Variants in PARN observed in about 807,000 individuals in gnomAD.
PARN encodes the protein poly(A)-specific ribonuclease, also known as poly(A)-specific ribonuclease PARN.
PARN carries 71 observed loss-of-function variants against 102.8 expected under a neutral mutation model. The observed-to-expected ratio is 0.69, with a 90% CI of 0.57 to 0.84. The LOEUF (loss-of-function observed/expected upper bound fraction) is 0.84. PARN is among the 40% of genes least tolerant of loss of function. PARN has a pLI of 0.00. For synonymous variants in PARN, 261 were observed against 252.9 expected, an observed-to-expected ratio of 1.03 and a Z score of -0.30; for missense variants, 782 against 760.9, an observed-to-expected ratio of 1.03 and a Z score of -0.33.
At chr16:14,587,709 T>C (rs544223580) in intron 13 of PARN, among the ~76,000 whole-genome samples, 1 of 152,300 alleles carries the variant, frequency 6.6e-6, no homozygotes, top group South Asian at 2.1e-4. Flanking sequence ...AAACAAAACA[T>C]TTTCTTTCTC....
chr16:14,542,234 AC>A (rs1356411960), intron 21 of PARN, among the ~76,000 whole-genome samples: 3 of 151,360 alleles, frequency 2.0e-5, no homozygotes, highest in African/African-American at 7.3e-5. Flanking sequence ...TCAAACTCCT[AC>A]GCTCCAGTAA....
At chr16:14,503,422 G>T (rs554449257) in intron 21 of PARN, among the ~76,000 whole-genome samples, 1 of 151,224 alleles carries the variant, frequency 6.6e-6, no homozygotes, top group Non-Finnish European at 1.5e-5. Context: ...AGAAACGCAC[G>T]TATCATGAAT....
chr16:14,450,860 T>C (rs896873183), intron 22 of PARN, among the ~76,000 whole-genome samples: 1 of 151,868 alleles, frequency 6.6e-6, no homozygotes, highest in Admixed American at 6.6e-5. Flanking sequence ...TCTGGGACAA[T>C]GTGTGCCCTC....
At chr16:14,486,792 C>T (rs1287870608) in intron 21 of PARN, among the ~76,000 whole-genome samples, 1 of 152,238 alleles carries the variant, frequency 6.6e-6, no homozygotes, top group Admixed American at 6.5e-5. Context: ...CAACTGTGTC[C>T]TCCAGCTATT....
Position 14,540,010 on chromosome 16 carries a change from T to C in PARN, c.1480+12011A>G, listed in dbSNP as rs188098866. Among the ~76,000 whole-genome samples the C allele has an allele frequency of 2.6e-4, 39 of 152,360 alleles. No individual in the cohort carries two copies. The East Asian group carries it at 6.5e-3, about 26-fold the overall frequency. On this transcript the variant is annotated intron_variant, in intron 21 of 23. Transcript: ENST00000437198. ...TACAGGAGGATATGTACAGGTTATA[T>C]GCAAAAATTATAGCATTTTATATCA...
At chr16:14,543,964 G>A (rs563299495) in intron 21 of PARN, among the ~76,000 whole-genome samples, 31 of 152,358 alleles carry the variant, frequency 2.0e-4, no homozygotes, top group African/African-American at 7.5e-4. Flanking sequence ...GGAGGCCAAC[G>A]CGGGAAGATC....
chr16:14,555,603 G>A (rs953399929), intron 19 of PARN, 51 bp downstream of exon 19: 2 of 841,820 alleles, frequency 2.4e-6, no homozygotes, highest in African/African-American at 1.8e-5. Context: ...ATCCCTTCCA[G>A]ACCACACACT....
intron 18 of PARN, among the ~76,000 whole-genome samples, chr16:14,565,952 C>A (rs1323322446): frequency 3.3e-5 from 5 of 152,208 alleles, no homozygotes; most frequent in Admixed American, 2.6e-4. Context: ...GCCCAAATTT[C>A]TTAGAGTATA....
intron 21 of PARN, among the ~76,000 whole-genome samples, chr16:14,521,417 T>G (rs1965724902): frequency 6.6e-6 from 1 of 152,136 alleles, no homozygotes; most frequent in Admixed American, 6.5e-5. Context: ...AAGTCACATG[T>G]CAGGAAATAA....
In PARN at chr16:14,446,246, T is replaced by C. The variant is rs114145854; in HGVS notation, c.1864+642A>G. Among the ~76,000 whole-genome samples, 675 of 152,330 alleles carry C rather than the reference T, an allele frequency of 4.4e-3. 9 individuals carry two copies. The highest frequency in any genetic ancestry group is 0.016 in the African/African-American group (648 of 41,586). On this transcript the variant is annotated intron_variant, in intron 23 of 23. Transcript: ENST00000437198. ...ACATGGGATTCAGCTCAGGCAGACC[T>C]GGGTCTGCCTTTCGGCTGTGCTTCT...
At chr16:14,505,878 AATC>A (rs1362823952) in intron 21 of PARN, among the ~76,000 whole-genome samples, 1 of 152,234 alleles carries the variant, frequency 6.6e-6, no homozygotes, top group Non-Finnish European at 1.5e-5. Flanking sequence ...TTTTTAAAAA[AATC>A]ATCAATGGAC....
In PARN at chr16:14,490,014, G is replaced by A. The variant is rs769821461; in HGVS notation, c.1481-7187C>T. ...TGAAACCCTGTCTCTACTTAAATAC[G>A]AAGATTAGCCAGGCATGCCTGTAGT... On this transcript the variant is annotated intron_variant, in intron 21 of 23. Coordinates refer to ENST00000437198, the MANE Select transcript of PARN (RefSeq NM_002582.4). Among the ~76,000 whole-genome samples, 3 of 152,152 alleles carry A rather than the reference G, an allele frequency of 2.0e-5. No homozygotes were observed. In the East Asian group the frequency reaches 5.8e-4, roughly 29 times the overall value.
intron 21 of PARN, among the ~76,000 whole-genome samples, chr16:14,493,427 G>A (rs902798294): frequency 3.3e-5 from 5 of 152,126 alleles, no homozygotes; most frequent in African/African-American, 1.2e-4. Flanking sequence ...TGTTGTCCAG[G>A]CTGTTCTCAA....
At chr16:14,439,394 A>G (rs1220863281) in intron 23 of PARN, among the ~76,000 whole-genome samples, 5 of 99,448 alleles carry the variant, frequency 5.0e-5, no homozygotes, top group Non-Finnish European at 8.3e-5. Context: ...AAAAAAAAAT[A>G]GAGGGAGGGA....
At chr16:14,579,950 T>G (rs147824952) in intron 18 of PARN, among the ~76,000 whole-genome samples, 64 of 150,144 alleles carry the variant, frequency 4.3e-4, no homozygotes, top group African/African-American at 1.4e-3. Flanking sequence ...CACTCCACAT[T>G]GCAGCCTGGG....
chr16:14,575,103 G>A (rs1276350548), intron 18 of PARN, among the ~76,000 whole-genome samples: 1 of 152,226 alleles, frequency 6.6e-6, no homozygotes, highest in African/African-American at 2.4e-5. Context: ...TGGATGCCCA[G>A]GAAGAAGTCT....
chr16:14,436,454 G>T lies in PARN; in HGVS notation c.*263C>A, dbSNP rs557453870. The T allele has an allele frequency of 7.7e-6, 4 of 519,434 alleles. No individual in the cohort carries two copies. The highest frequency in any genetic ancestry group is 1.0e-5 in the Non-Finnish European group (3 of 292,820). 32.2% of individuals were successfully genotyped at this position (519,434 alleles called of 1,614,324 possible). A position where few individuals can be genotyped will look rare whatever the true frequency, so the allele number is the denominator to read the frequency against. On this transcript the variant is annotated 3_prime_UTR_variant, in exon 24 of 24. Coordinates refer to ENST00000437198, the MANE Select transcript of PARN (RefSeq NM_002582.4). ...AGGAAAGGCCTCACAAGAGCAACAC[G>T]GAATTCACTGGTTAAGCACGTACAC...
In PARN at chr16:14,555,675, G is replaced by C. The variant is rs201782700; in HGVS notation, c.1297C>G (p.Leu433Val). The C allele has an allele frequency of 9.4e-5, 139 of 1,482,460 alleles. No homozygotes were observed. The highest frequency in any genetic ancestry group is 1.0e-4 in the Non-Finnish European group (111 of 1,089,680). 91.8% of individuals were successfully genotyped at this position (1,482,460 alleles called of 1,614,324 possible). Reference sequence around the variant, plus strand: ...TTACAGTCTGGTCCTTCCAAGTTTAGATAGGGGATATCCATGACCCTCATA... The same window carrying C: ...TTACAGTCTGGTCCTTCCAAGTTTACATAGGGGATATCCATGACCCTCATA... ...FLMRVMDIPY[L>V]NLEGPDLQPK... Residue 433 changes from leucine (L) to valine (V), a missense_variant, in exon 19 of 24, where the codon CTA becomes GTA. By Grantham distance (32) the Leu-to-Val change is conservative. Coordinates refer to ENST00000437198, the MANE Select transcript of PARN (RefSeq NM_002582.4).
chr16:14,595,345 C>T (rs188317063), intron 12 of PARN, among the ~76,000 whole-genome samples: 5 of 152,046 alleles, frequency 3.3e-5, no homozygotes, highest in Admixed American at 2.6e-4. Flanking sequence ...TACACCCATG[C>T]GCACACACAC....
Sources: gnomAD v4.1 joint callset for allele counts (sites outside exome capture counted in the v4.1 genomes callset) on GRCh38, gnomAD v4.1.1 for gene constraint, MANE v1.5 for transcripts, NCBI Gene and HGNC (gene_info 2026-07-23, HGNC 2026-07-21) for gene names.